Variants in CDH13 observed in about 807,000 individuals in gnomAD.
CDH13 encodes the protein cadherin 13.
In CDH13, 24 loss-of-function variants were observed where a neutral mutation model predicts 63.8. The ratio of observed to expected loss-of-function variants is 0.38; its 90% CI spans 0.27 to 0.53. CDH13 has a LOEUF of 0.53. Ranked by LOEUF, CDH13 falls within the 20% of genes least tolerant of loss-of-function variation. CDH13 has a pLI of 0.85. For synonymous variants in CDH13, 503 were observed against 355.3 expected (o/e 1.42, Z -4.67); for missense variants, 1,049 against 903.1 (o/e 1.16, Z -2.07).
At chr16:83,080,251 T>C (rs1186899389) in intron 3 of CDH13, among the ~76,000 whole-genome samples, 3 of 152,186 alleles carry the variant, frequency 2.0e-5, no homozygotes, top group South Asian at 2.1e-4. Flanking sequence ...GTTGCTCAAA[T>C]TGGTGATGAC....
chr16:83,788,099 G>T (rs1158811210), intron 13 of CDH13, among the ~76,000 whole-genome samples: 2 of 152,214 alleles, frequency 1.3e-5, no homozygotes, highest in Non-Finnish European at 2.9e-5. Flanking sequence ...GCACGCACGT[G>T]TGTGTACCCA....
intron 6 of CDH13, among the ~76,000 whole-genome samples, chr16:83,356,982 C>G (rs2091069178): frequency 6.6e-6 from 1 of 152,156 alleles, no homozygotes; most frequent in South Asian, 2.1e-4. Flanking sequence ...CAGTTTTCCA[C>G]TTTTCTTTAG....
chr16:83,063,313 T>C lies in CDH13; in HGVS notation c.366+31095T>C, dbSNP rs190759851. On this transcript the variant is annotated intron_variant, in intron 3 of 13. Coordinates refer to ENST00000567109, the MANE Select transcript of CDH13 (RefSeq NM_001257.5). ...GTCAACCATATGAAAACAGAAGCTA[T>C]GGCTCTCTTGAGGCCCAGCCCCAGA... 7.3e-4 allele frequency among the ~76,000 whole-genome samples: 111 copies of C among 152,288 alleles called. 1 individual carries two copies. Among genetic ancestry groups the C allele is most frequent in the African/African-American group, 2.6e-3 (108 of 41,566 alleles).
intron 7 of CDH13, among the ~76,000 whole-genome samples, chr16:83,553,638 C>T (rs2075551257): frequency 6.6e-6 from 1 of 152,148 alleles, no homozygotes; most frequent in South Asian, 2.1e-4. Flanking sequence ...CTCACTGCAA[C>T]CTCTGCCTCT....
chr16:82,759,128 G>A (rs2034733592), intron 1 of CDH13, among the ~76,000 whole-genome samples: 2 of 152,198 alleles, frequency 1.3e-5, no homozygotes, highest in Admixed American at 1.3e-4. Flanking sequence ...AGAGTCAGTG[G>A]ATAAATGGCC....
chr16:83,340,455 C>T (rs1440563442), intron 5 of CDH13, among the ~76,000 whole-genome samples: 1 of 152,140 alleles, frequency 6.6e-6, no homozygotes, highest in Non-Finnish European at 1.5e-5. Context: ...AAGACTCAGC[C>T]TCCTGTTTGG....
chr16:82,967,537 T>C (rs1908031450), intron 2 of CDH13, among the ~76,000 whole-genome samples: 1 of 152,214 alleles, frequency 6.6e-6, no homozygotes, highest in Non-Finnish European at 1.5e-5. Context: ...AAGTGCCCAT[T>C]TCCCCTTGGC....
At chr16:83,759,076 G>A (rs1435326679) in intron 11 of CDH13, among the ~76,000 whole-genome samples, 1 of 152,160 alleles carries the variant, frequency 6.6e-6, no homozygotes, top group Non-Finnish European at 1.5e-5. Context: ...TACAAGGAGT[G>A]AAAAATGGCC....
chr16:83,602,046 T>C (rs1403995261), intron 7 of CDH13, among the ~76,000 whole-genome samples: 2 of 123,598 alleles, frequency 1.6e-5, no homozygotes, highest in Admixed American at 1.1e-4. Context: ...TGAGCCGAGA[T>C]TGCGCCACTG....
chr16:82,712,593 T>A (rs1432260732), intron 1 of CDH13, among the ~76,000 whole-genome samples: 1 of 152,206 alleles, frequency 6.6e-6, no homozygotes, highest in Non-Finnish European at 1.5e-5. Context: ...CTCACATGGA[T>A]GTCTACAAAA....
In CDH13 at chr16:82,879,387, C is replaced by T. The variant is rs188620176; in HGVS notation, c.157+20914C>T. 3.4e-3 allele frequency among the ~76,000 whole-genome samples: 510 copies of T among 150,706 alleles called. 2 individuals carry two copies. The highest frequency in any genetic ancestry group is 0.012 in the African/African-American group (478 of 41,046). ...TGTCATCTGATCATGGCCCCTCAAA[C>T]CTCACTTTGAGCCTTGTGAGCAAAT... On this transcript the variant is annotated intron_variant, in intron 2 of 13. Coordinates refer to ENST00000567109, the MANE Select transcript of CDH13 (RefSeq NM_001257.5).
At chr16:82,778,438 T>C (rs1009723369) in intron 1 of CDH13, among the ~76,000 whole-genome samples, 5 of 152,146 alleles carry the variant, frequency 3.3e-5, no homozygotes, top group Non-Finnish European at 7.3e-5. Context: ...CTATGTACTT[T>C]CTATACAAAT....
At chr16:83,404,125 T>G (rs2092008037) in intron 6 of CDH13, among the ~76,000 whole-genome samples, 1 of 152,242 alleles carries the variant, frequency 6.6e-6, no homozygotes, top group African/African-American at 2.4e-5. Context: ...CAGAAAATTC[T>G]GAAGAAGTTT....
chr16:83,084,473 G>A (rs550206033), intron 3 of CDH13, among the ~76,000 whole-genome samples: 3 of 152,252 alleles, frequency 2.0e-5, no homozygotes, highest in Admixed American at 6.5e-5. Context: ...CCTGTCTCTC[G>A]AAAACAGTTG....
chr16:83,038,728 C>T (rs192050020), intron 3 of CDH13, among the ~76,000 whole-genome samples: 5 of 152,328 alleles, frequency 3.3e-5, no homozygotes, highest in East Asian at 1.9e-4. Context: ...CTCCATGCTT[C>T]GTTCCTCACG....
intron 3 of CDH13, 39 bp from the exon 4 acceptor site, chr16:83,125,346 A>T: frequency 9.1e-7 from 1 of 1,098,734 alleles, no homozygotes; most frequent in Non-Finnish European, 1.4e-6. Flanking sequence ...CATCATTTCA[A>T]TGGGAGATTT....
chr16:82,689,815 T>C (rs1425947432), intron 1 of CDH13, among the ~76,000 whole-genome samples: 1 of 151,620 alleles, frequency 6.6e-6, no homozygotes, highest in East Asian at 1.9e-4. Context: ...GAAGAAGATG[T>C]AATGCATTTC....
intron 1 of CDH13, among the ~76,000 whole-genome samples, chr16:82,731,841 T>C (rs763101765): frequency 3.9e-5 from 6 of 152,352 alleles, no homozygotes; most frequent in Non-Finnish European, 5.9e-5. Context: ...TATATGTGCC[T>C]GGACATGCCT....
rs373895226 is a variant in CDH13, at chr16:82,658,117, A to G, written c.45+30980A>G. On this transcript the variant is annotated intron_variant, in intron 1 of 13. Coordinates refer to ENST00000567109, the MANE Select transcript of CDH13 (RefSeq NM_001257.5). ...TACTAGTTTGTTGAGAGTTATTATG[A>G]GTATTGATTTTGCCAAGTGCTTTTT... Among the ~76,000 whole-genome samples the G allele has an allele frequency of 5.3e-5, 8 of 152,282 alleles. No homozygotes were observed. The South Asian group carries it at 1.7e-3, about 32-fold the overall frequency.
Sources: allele counts gnomAD v4.1 joint callset (sites outside exome capture counted in the v4.1 genomes callset), GRCh38; gene constraint gnomAD v4.1.1; transcripts MANE v1.5; gene names NCBI Gene and HGNC (gene_info 2026-07-23, HGNC 2026-07-21).